The following SPTA1 variants were observed in gnomAD, a reference collection of about 807,000 sequenced individuals.
SPTA1 encodes spectrin alpha, erythrocytic 1, also known as spectrin alpha chain, erythrocytic 1.
In SPTA1, 177 loss-of-function variants were observed where a neutral mutation model predicts 324.7. The observed-to-expected ratio is 0.55, with a 90% CI of 0.48 to 0.62. The LOEUF is 0.62. Among genes scored for constraint, SPTA1 ranks in the 20% least tolerant of loss-of-function variants. SPTA1 has a pLI of 0.00. For synonymous variants in SPTA1, 1,195 were observed against 1,041.3 expected (o/e 1.15, Z -2.84); for missense variants, 3,162 against 2,883.6 (o/e 1.10, Z -2.21).
At chr1:158,615,933 A>G (rs1291382436) in intron 47 of SPTA1, among the ~76,000 whole-genome samples, 2 of 152,170 alleles carry the variant, frequency 1.3e-5, no homozygotes, top group Non-Finnish European at 2.9e-5. Flanking sequence ...TGCTCCTGCC[A>G]TGCAGACATG....
chr1:158,642,889 C>T lies in SPTA1; in HGVS notation c.4530G>A (p.Glu1510=), dbSNP rs1425666855. ...TCTCACTGATCCATTCTTCCAGCTC[C>T]TCAAGGTCTCGGTAGAATTGTTTTA... ...ANLKQFYRDL[E]ELEEWISEML... is the part of the protein sequence containing the mutation. Residue 1510 remains glutamate (E), a synonymous_variant, in exon 32 of 52, where the codon GAG becomes GAA. Coordinates refer to ENST00000643759, the MANE Select transcript of SPTA1 (RefSeq NM_003126.4). 6.2e-7 allele frequency: 1 copy of T among 1,613,906 alleles called. No homozygotes were observed. Among genetic ancestry groups the T allele is most frequent in the Non-Finnish European group, 8.5e-7 (1 of 1,179,892 alleles).
At chr1:158,668,165 T>C in intron 14 of SPTA1, 103 bp from the exon 15 acceptor site, 1 of 1,275,110 alleles carries the variant, frequency 7.8e-7, no homozygotes, top group South Asian at 1.3e-5. Context: ...TAACGAACGA[T>C]GCTAACAAGA....
At position 158,642,359 on chromosome 1, in the gene SPTA1, A is replaced by C. The variant is rs113984542; in HGVS notation, c.4737+52T>G. 1.7e-4 allele frequency: 271 copies of C among 1,585,040 alleles called. No individual in the cohort carries two copies. The African/African-American group carries it at 3.1e-3, about 18-fold the overall frequency. On this transcript the variant is annotated intron_variant, in intron 33 of 51. Coordinates refer to ENST00000643759, the MANE Select transcript of SPTA1 (RefSeq NM_003126.4). Reference sequence around the variant, plus strand: ...ATAAATTAAAAAAAAAGAAAGAGTAAATGATTCCTCTTCATGTGACTTTGT... The same window carrying C: ...ATAAATTAAAAAAAAAGAAAGAGTACATGATTCCTCTTCATGTGACTTTGT...
Position 158,656,582 on chromosome 1 carries a change from A to G in SPTA1, c.2880T>C (p.Asn960=). 6.2e-7 allele frequency: 1 copy of G among 1,613,982 alleles called. No homozygotes were observed. Among genetic ancestry groups the G allele is most frequent in the Non-Finnish European group, 8.5e-7 (1 of 1,179,932 alleles). Residue 960 remains asparagine (N), a synonymous_variant, in exon 20 of 52, where the codon AAT becomes AAC. Transcript: ENST00000643759. The part of the protein sequence containing the change: ...SFGDSMKALR[N]QANACQQQQA... ...GTCTTACCTGGCAGGCGTTTGCCTG[A>G]TTCCGCAGAGCTTTCATACTGTCTC...
At position 158,639,930 on chromosome 1, in the gene SPTA1, C is replaced by A; in HGVS notation, c.4815G>T (p.Glu1605Asp). Residue 1605 changes from glutamate (E) to aspartate (D), a missense_variant, in exon 34 of 52, where the codon GAG (glutamate) becomes GAT (aspartate). Coordinates refer to ENST00000643759, the MANE Select transcript of SPTA1 (RefSeq NM_003126.4). Reference sequence around the variant, plus strand: ...TGTTGAACCTCTGTTGACGACTGGCCTCATTGAGCTTCTTCCCTTTGTCAT... The same window carrying A: ...TGTTGAACCTCTGTTGACGACTGGCATCATTGAGCTTCTTCCCTTTGTCAT... ...RTNDKGKKLN[E>D]ASRQQRFNTS... 6.2e-7 allele frequency: 1 copy of A among 1,613,888 alleles called. No individual in the cohort carries two copies. Among genetic ancestry groups the A allele is most frequent in the South Asian group, 1.1e-5 (1 of 91,078 alleles).
In SPTA1 at chr1:158,636,755, C is replaced by A. The variant is rs201286670; in HGVS notation, c.5196G>T (p.Lys1732Asn). 1.9e-6 allele frequency: 3 copies of A among 1,614,080 alleles called. No individual in the cohort carries two copies. The East Asian group carries it at 6.7e-5, about 36-fold the overall frequency. The change falls in exon 37 of 52, where the codon AAG (lysine) becomes AAT (asparagine). Residue 1732 changes from lysine to asparagine, a missense_variant. By Grantham distance (94) the Lys-to-Asn change is moderately conservative. Coordinates refer to ENST00000643759, the MANE Select transcript of SPTA1 (RefSeq NM_003126.4). ...AGTCCTGGGAGCTCACTCGTATCAACTTCTCCCTAAAATCAAGGAAGAAAA... is the reference window on the plus strand; with the variant it reads ...AGTCCTGGGAGCTCACTCGTATCAAATTCTCCCTAAAATCAAGGAAGAAAA... ...LDDEESWIEEKLIRVSSQDYG... is the reference protein window; with the variant it reads ...LDDEESWIEENLIRVSSQDYG...
chr1:158,629,586 G>A (rs541208420), intron 39 of SPTA1, among the ~76,000 whole-genome samples: 8 of 152,098 alleles, frequency 5.3e-5, no homozygotes, highest in Admixed American at 5.2e-4. Flanking sequence ...CATATTTAAT[G>A]GTGAAACTAA....
At chr1:158,659,595 A>ATTATTATTATTTTTTTTTTTT (rs1345384278) in intron 18 of SPTA1, among the ~76,000 whole-genome samples, 2 of 68,716 alleles carry the variant, frequency 2.9e-5, no homozygotes, top group South Asian at 9.1e-4. Context: ...TCTTAGCATT[A>ATTATTATTATTTTTTTTTTTT]TTTTTTTTTT....
At position 158,652,550 on chromosome 1, in the gene SPTA1, T is replaced by G. The variant is rs748421324; in HGVS notation, c.3292A>C (p.Ile1098Leu). Residue 1098 changes from isoleucine (I) to leucine (L), a missense_variant, in exon 23 of 52, where the codon ATT becomes CTT. Physicochemically the swap from Ile to Leu is conservative, Grantham distance 5. Transcript: ENST00000643759. ...GTGTTTTCTGCCTTTTTCTCTTGAA[T>G]CCATTCCAGCATGTCTCCTGCCTCA... ...AYEAGDMLEW[I>L]QEKKAENTGV... is the part of the protein sequence containing the mutation. 1 of 1,614,182 alleles carries G rather than the reference T, an allele frequency of 6.2e-7. No individual in the cohort carries two copies. Among genetic ancestry groups the G allele is most frequent in the Non-Finnish European group, 8.5e-7 (1 of 1,180,046 alleles).
chr1:158,667,624 AT>A (rs932211334), intron 15 of SPTA1, among the ~76,000 whole-genome samples: 11 of 152,050 alleles, frequency 7.2e-5, no homozygotes, highest in South Asian at 4.2e-4. Flanking sequence ...CTGCTAAAAA[AT>A]TTTTTTTTAA....
In SPTA1 at chr1:158,686,557, CAGAG is replaced by C. The variant is rs111674514; in HGVS notation, c.-44_-41del. The C allele has an allele frequency of 3.0e-5, 31 of 1,024,090 alleles. No homozygotes were observed. Among genetic ancestry groups the C allele is most frequent in the African/African-American group, 6.4e-5 (4 of 62,348 alleles). The allele number at this position is 1,024,090 out of a possible 1,614,324, so 63.4% of individuals were successfully genotyped here. A position where few individuals can be genotyped will look rare whatever the true frequency, so the allele number is the denominator to read the frequency against. On this transcript the variant is annotated 5_prime_UTR_variant, in exon 1 of 52. An upstream open reading frame in the 5' UTR loses its in-frame stop. Transcript: ENST00000643759. ...TAGAACCTGGCAAGATAAAATGTGT[CAGAG>C]AGAGAGAGAGAGAGAAATAATTCAA...
intron 27 of SPTA1, among the ~76,000 whole-genome samples, chr1:158,647,068 T>C (rs969499853): frequency 6.6e-6 from 1 of 152,196 alleles, no homozygotes; most frequent in Admixed American, 6.5e-5. Flanking sequence ...TGTCTTTTTT[T>C]GCACAGTTCA....
At chr1:158,652,747 A>G in intron 22 of SPTA1, 94 bp from the exon 23 acceptor site, 1 of 1,408,000 alleles carries the variant, frequency 7.1e-7, no homozygotes, top group South Asian at 1.2e-5. Flanking sequence ...AGGAACAAAA[A>G]TGAAAGGGAA....
intron 46 of SPTA1, 49 bp from the exon 47 acceptor site, chr1:158,617,637 A>C: frequency 6.7e-7 from 1 of 1,491,470 alleles, no homozygotes; most frequent in Admixed American, 1.7e-5. Flanking sequence ...ACAGGTCAAT[A>C]TTTCATACAT....
chr1:158,620,541 A>G, intron 43 of SPTA1, 75 bp from the exon 44 acceptor site: 1 of 1,574,180 alleles, frequency 6.4e-7, no homozygotes, highest in Non-Finnish European at 8.7e-7. Flanking sequence ...TGAGGATAAA[A>G]ATAATGCCTG....
rs1305345059 is a variant in SPTA1 at position 158,653,373 on chromosome 1, T to G, written c.3089A>C (p.Tyr1030Ser). 6.2e-7 allele frequency: 1 copy of G among 1,614,016 alleles called. No individual in the cohort carries two copies. Among genetic ancestry groups the G allele is most frequent in the East Asian group, 2.2e-5 (1 of 44,882 alleles). Residue 1030 changes from tyrosine to serine, a missense_variant, in exon 22 of 52, where the codon TAT becomes TCT. Transcript: ENST00000643759. ...CTCATCGTGGGCCAGTCTTCTGACA[T>G]AGACAGCTGGGACAATGCCCTGATG... ...ADHQGIVPAV[Y>S]VRRLAHDEFP...
At chr1:158,629,940 A>G (rs1414531810) in intron 39 of SPTA1, among the ~76,000 whole-genome samples, 1 of 151,826 alleles carries the variant, frequency 6.6e-6, no homozygotes, top group Non-Finnish European at 1.5e-5. Context: ...AAATGTAACC[A>G]AGGAGGTGAA....
At position 158,620,462 on chromosome 1, in the gene SPTA1, T is replaced by C; in HGVS notation, c.6125A>G (p.Glu2042Gly). Residue 2042 changes from glutamate (E) to glycine (G), a missense_variant, in exon 44 of 52, where the codon GAG becomes GGG. Coordinates refer to ENST00000643759, the MANE Select transcript of SPTA1 (RefSeq NM_003126.4). ...LEKQLPLQKA[E>G]DLFVEFAHKA... is the part of the protein sequence containing the mutation. Reference sequence around the variant, plus strand: ...ATGTGCAAATTCCACGAACAGGTCCTCAGCCTGCAGAGAGAAAAAAAAGAC... The same window carrying C: ...ATGTGCAAATTCCACGAACAGGTCCCCAGCCTGCAGAGAGAAAAAAAAGAC... 1 of 1,612,680 alleles carries C rather than the reference T, an allele frequency of 6.2e-7. No homozygotes were observed. Among genetic ancestry groups the C allele is most frequent in the South Asian group, 1.1e-5 (1 of 91,014 alleles).
chr1:158,622,263 GATGTAGTA>G (rs1387330580), intron 43 of SPTA1, among the ~76,000 whole-genome samples: 1 of 151,958 alleles, frequency 6.6e-6, no homozygotes, highest in African/African-American at 2.4e-5. Context: ...ATTTTATATG[GATGTAGTA>G]ATGTAATAAT....
Sources: gnomAD v4.1 joint callset for allele counts (sites outside exome capture counted in the v4.1 genomes callset) on GRCh38, gnomAD v4.1.1 for gene constraint, MANE v1.5 for transcripts, NCBI Gene and HGNC (gene_info 2026-07-23, HGNC 2026-07-21) for gene names.